Variants in ZNF717 observed in about 807,000 individuals in gnomAD.
The protein encoded by ZNF717 is zinc finger protein 717.
A neutral mutation model predicts 13.8 loss-of-function variants in ZNF717; 9 were observed. The ratio of observed to expected loss-of-function variants is 0.65; its 90% CI spans 0.39 to 1.14. The LOEUF (loss-of-function observed/expected upper bound fraction) is 1.14, where lower values mean the gene tolerates loss of function less well. ZNF717 is among the 50% of genes most tolerant of loss of function. The probability of loss-of-function intolerance (pLI) is 0.01; values close to 1 mark genes in which losing one functional copy is unlikely to be tolerated. For synonymous variants in ZNF717, 327 were observed against 364.1 expected (o/e 0.90, Z 1.16); for missense variants, 1,040 against 1,080.7 (o/e 0.96, Z 0.53).
At chr3:75,743,874 TATC>T (rs1940798659) in intron 2 of ZNF717, among the ~76,000 whole-genome samples, 1 of 151,804 alleles carries the variant, frequency 6.6e-6, no homozygotes, top group Non-Finnish European at 1.5e-5. Context: ...GACTTGGACA[TATC>T]ATGTGTGAAA....
At chr3:75,712,409 A>C (rs1339655272) in intron 5 of ZNF717, among the ~76,000 whole-genome samples, 1 of 152,222 alleles carries the variant, frequency 6.6e-6, no homozygotes, top group East Asian at 1.9e-4. Context: ...GTATTAGTGT[A>C]TTTTTAATGC....
At chr3:75,732,229 A>C, downstream of ZNF717, 1 of 668,262 alleles carries the variant, frequency 1.5e-6, no homozygotes. Flanking sequence ...ACCTGCTCTC[A>C]TATAACCAGA....
chr3:75,765,035 A>ATATATATATATATGTG (rs1559662069), intron 2 of ZNF717, among the ~76,000 whole-genome samples: 1 of 81,798 alleles, frequency 1.2e-5, no homozygotes, highest in Non-Finnish European at 2.8e-5. Flanking sequence ...ATATATGTAT[A>ATATATATATATATGTG]TGTGTGTGTG....
At chr3:75,765,033 A>ATATATG (rs1943350872) in intron 2 of ZNF717, among the ~76,000 whole-genome samples, 1 of 59,110 alleles carries the variant, frequency 1.7e-5, no homozygotes, top group Non-Finnish European at 3.5e-5. Flanking sequence ...ATATATATGT[A>ATATATG]TATGTGTGTG....
intron 2 of ZNF717, among the ~76,000 whole-genome samples, chr3:75,742,344 A>G (rs1239171933): frequency 7.1e-6 from 1 of 141,740 alleles, no homozygotes; most frequent in African/African-American, 2.6e-5. Context: ...AAAAAAGAAT[A>G]AAATTCTACT....
In ZNF717 at chr3:75,737,742, G is replaced by C. The variant is rs1168980201; in HGVS notation, c.1881C>G (p.Thr627=). Residue 627 remains threonine (T), a synonymous_variant, in exon 5 of 5, where the codon ACC becomes ACG. Transcript: ENST00000652011. ...RPYECNECGK[T]FRQKSNLSTH... is the part of the protein sequence containing the mutation. The stretch of plus-strand genomic sequence containing the variant: ...TGCTGAGATTTGACTTCTGACGAAA[G>C]GTTTTTCCACATTCATTACATTCAT... 1.3e-6 allele frequency: 2 copies of C among 1,545,884 alleles called. No individual in the cohort carries two copies. The highest frequency in any genetic ancestry group is 1.7e-6 in the Non-Finnish European group (2 of 1,143,318).
At chr3:75,729,052 G>A (rs1362311383), downstream of ZNF717, among the ~76,000 whole-genome samples, 2 of 151,354 alleles carry the variant, frequency 1.3e-5, no homozygotes, top group Admixed American at 6.6e-5. Context: ...GCAGAGGGGT[G>A]AGAACAGACT....
intron 5 of ZNF717, among the ~76,000 whole-genome samples, chr3:75,713,523 A>C (rs1255713164): frequency 2.0e-5 from 3 of 152,218 alleles, no homozygotes; most frequent in Non-Finnish European, 2.9e-5. Context: ...GAAATCTGTC[A>C]CATATCAGTA....
intron 2 of ZNF717, among the ~76,000 whole-genome samples, chr3:75,759,810 C>G (rs1010108988): frequency 1.6e-4 from 25 of 152,154 alleles, no homozygotes; most frequent in Admixed American, 3.9e-4. Context: ...CTCATGTGAT[C>G]TGCCCACCTC....
At chr3:75,734,807 A>G (rs2106954161), downstream of ZNF717, among the ~76,000 whole-genome samples, 1 of 17,012 alleles carries the variant, frequency 5.9e-5, no homozygotes, top group East Asian at 1.5e-3. Flanking sequence ...ATATATATAT[A>G]TATATATATA....
chr3:75,728,650 G>T (rs1390352014), downstream of ZNF717, among the ~76,000 whole-genome samples: 1 of 41,884 alleles, frequency 2.4e-5, no homozygotes, highest in African/African-American at 5.6e-5. Context: ...TTCACTCATT[G>T]TCTGCTTGCA....
At chr3:75,696,019 T>A (rs1937599038) in intron 6 of ZNF717, among the ~76,000 whole-genome samples, 1 of 152,030 alleles carries the variant, frequency 6.6e-6, no homozygotes, top group Non-Finnish European at 1.5e-5. Flanking sequence ...AAAAGACTAA[T>A]AAACAAAAAG....
At chr3:75,750,094 C>A (rs1386018218) in intron 2 of ZNF717, among the ~76,000 whole-genome samples, 6 of 151,476 alleles carry the variant, frequency 4.0e-5, no homozygotes, top group East Asian at 2.0e-4. Context: ...GATACCAGTA[C>A]CCTGCTGCTA....
At chr3:75,709,103 C>T (rs1405796091), downstream of ZNF717, among the ~76,000 whole-genome samples, 106 of 151,286 alleles carry the variant, frequency 7.0e-4, no homozygotes, top group African/African-American at 2.5e-3. Flanking sequence ...TGGGATCAAG[C>T]GATTCCTGTT....
intron 4 of ZNF717, among the ~76,000 whole-genome samples, chr3:75,719,693 A>T (rs1271645842): frequency 6.6e-6 from 1 of 152,166 alleles, no homozygotes; most frequent in Non-Finnish European, 1.5e-5. Flanking sequence ...GCAGTGGCTC[A>T]TGCCTGTAAT....
At chr3:75,778,434 CA>C (rs1944510304) in intron 2 of ZNF717, among the ~76,000 whole-genome samples, 1 of 151,270 alleles carries the variant, frequency 6.6e-6, no homozygotes, top group Middle Eastern at 3.2e-3. Context: ...AACCGGAACC[CA>C]AAACAATGGG....
At chr3:75,771,585 C>T (rs1290283394) in intron 2 of ZNF717, among the ~76,000 whole-genome samples, 2 of 152,258 alleles carry the variant, frequency 1.3e-5, no homozygotes, top group African/African-American at 2.4e-5. Context: ...AAGCAAGGCA[C>T]CTGCAAGGAC....
rs1303335970 is a variant in ZNF717, at chr3:75,716,949, T to C, written n.545-408A>G. ...GTATTGGCAACACCCATTCACTATG[T>C]TGTACATTTTGAAAAAGCTATTAAT... On this transcript the variant is annotated intron_variant and non_coding_transcript_variant, in intron 4 of 5. Coordinates refer to the ZNF717 transcript ENST00000491507. Among the ~76,000 whole-genome samples, 25 of 152,318 alleles carry C rather than the reference T, an allele frequency of 1.6e-4. No homozygotes were observed. In the East Asian group the frequency reaches 4.4e-3, roughly 27 times the overall value.
intron 4 of ZNF717, among the ~76,000 whole-genome samples, chr3:75,720,086 C>A (rs62248776): frequency 6.6e-6 from 1 of 151,900 alleles, no homozygotes; most frequent in Non-Finnish European, 1.5e-5. Context: ...CTGTGGAAAG[C>A]GGTTTGAAGA....
Sources: allele counts gnomAD v4.1 joint callset (sites outside exome capture counted in the v4.1 genomes callset), GRCh38; gene constraint gnomAD v4.1.1; transcripts MANE v1.5; gene names NCBI Gene and HGNC (gene_info 2026-07-23, HGNC 2026-07-21).